Variants in PPL observed in about 807,000 individuals in gnomAD.
The protein encoded by PPL is 190 kDa paraneoplastic pemphigus antigen.
A neutral mutation model predicts 194.4 loss-of-function variants in PPL; 198 were observed. The observed-to-expected ratio is 1.02, with a 90% CI of 0.91 to 1.15. The LOEUF is 1.15. Ranked by LOEUF, PPL falls within the 50% of genes most tolerant of loss-of-function variation. The probability of loss-of-function intolerance (pLI) is 0.00; values close to 1 mark genes in which losing one functional copy is unlikely to be tolerated. For synonymous variants in PPL, 1,220 were observed against 972.4 expected, an observed-to-expected ratio of 1.25 and a Z score of -4.74; for missense variants, 2,885 against 2,294.8, an observed-to-expected ratio of 1.26 and a Z score of -5.25.
chr16:4,883,340 A>T lies in PPL; in HGVS notation c.*44T>A. On this transcript the variant is annotated 3_prime_UTR_variant, in exon 22 of 22. Transcript: ENST00000345988. The surrounding 1 kb of genome is among the most constrained non-coding windows in gnomAD (Gnocchi z 4.8). ...ACCAAGGAGGTCACTGCGTCGTAGG[A>T]GAGGGCCAGCGTCTGCCGTTACGAA... The T allele has an allele frequency of 6.2e-7, 1 of 1,609,206 alleles. No individual in the cohort carries two copies. The highest frequency in any genetic ancestry group is 2.0e-4 in the Middle Eastern group (1 of 5,020).
chr16:4,905,915 G>A (rs559778324), intron 2 of PPL, among the ~76,000 whole-genome samples: 2 of 152,164 alleles, frequency 1.3e-5, no homozygotes, highest in Non-Finnish European at 2.9e-5. Context: ...GACCAGCCTG[G>A]GCAATATAGT....
intron 1 of PPL, among the ~76,000 whole-genome samples, chr16:4,924,717 C>T (rs909017889): frequency 6.6e-6 from 1 of 152,196 alleles, no homozygotes; most frequent in Non-Finnish European, 1.5e-5. Flanking sequence ...GGCACGAAGA[C>T]CGCAGCAAGA....
rs746053426 is a variant in PPL at position 4,892,097 on chromosome 16, C to G, written c.1767G>C (p.Arg589=). The change falls in exon 15 of 22, where the codon CGG becomes CGC. Residue 589 remains arginine (R), a synonymous_variant. Coordinates refer to ENST00000345988, the MANE Select transcript of PPL (RefSeq NM_002705.5). ...CGTATTTCCGGTTGGTGTCCTCCAC[C>G]CGGGTCCTCAGCAGGGGTGTGGTGC... The part of the protein sequence containing the change: ...GSGTTPLLRT[R]VEDTNRKYEH... 1.2e-6 allele frequency: 2 copies of G among 1,613,720 alleles called. No homozygotes were observed. Among genetic ancestry groups the G allele is most frequent in the Admixed American group, 1.7e-5 (1 of 60,010 alleles).
rs2088176741 is a variant in PPL at position 4,884,553 on chromosome 16, C to T, written c.4102G>A (p.Ala1368Thr). The T allele has an allele frequency of 1.2e-6, 2 of 1,613,616 alleles. No homozygotes were observed. The highest frequency in any genetic ancestry group is 3.3e-5 in the Admixed American group (2 of 59,918). Residue 1368 changes from alanine (A) to threonine (T), a missense_variant, in exon 22 of 22, where the codon GCG (alanine) becomes ACG (threonine). Coordinates refer to ENST00000345988, the MANE Select transcript of PPL (RefSeq NM_002705.5). This position sits in a 1 kb window ranked among gnomAD's most constrained non-coding sequence, Gnocchi z 5.7. ...TCGATGCTCTCGGCAAAGGCGCTCG[C>T]CTCGGCCCGCAGGCCTGGCTCCTCC... The part of the protein sequence containing the change: ...YEEEPGLRAE[A>T]SAFAESIDVE...
rs146220570 is a variant in PPL at position 4,893,266 on chromosome 16, G to C, written c.1597C>G (p.Leu533Val). The C allele has an allele frequency of 2.5e-6, 4 of 1,597,964 alleles. No homozygotes were observed. The highest frequency in any genetic ancestry group is 2.2e-5 in the East Asian group (1 of 44,570). ...KAITGILRPP[L>V]EQGRAVQDSA... The stretch of plus-strand genomic sequence containing the variant: ...TCCTGCACAGCCCGGCCTTGCTCCA[G>C]TGGTGGCCGCAGGATCCCTGTGATG... Residue 533 changes from leucine (L) to valine (V), a missense_variant, in exon 14 of 22, where the codon CTG becomes GTG. Transcript: ENST00000345988.
Position 4,892,102 on chromosome 16 carries a change from T to C in PPL, c.1762A>G (p.Thr588Ala), listed in dbSNP as rs2088331424. The change falls in exon 15 of 22, where the codon ACC becomes GCC. Residue 588 changes from threonine to alanine, a missense_variant. Thr to Ala is a moderately conservative substitution (Grantham distance 58). Transcript: ENST00000345988. ...PGSGTTPLLR[T>A]RVEDTNRKYE... is the part of the protein sequence containing the mutation. Reference sequence around the variant, plus strand: ...TTCCGGTTGGTGTCCTCCACCCGGGTCCTCAGCAGGGGTGTGGTGCCACTG... The same window carrying C: ...TTCCGGTTGGTGTCCTCCACCCGGGCCCTCAGCAGGGGTGTGGTGCCACTG... 6.2e-7 allele frequency: 1 copy of C among 1,613,636 alleles called. No individual in the cohort carries two copies. The highest frequency in any genetic ancestry group is 1.3e-5 in the African/African-American group (1 of 74,922).
At chr16:4,897,639 C>T (rs749405310) in intron 9 of PPL, 36 bp downstream of exon 9, 1 of 1,544,362 alleles carries the variant, frequency 6.5e-7, no homozygotes, top group Non-Finnish European at 8.9e-7. Context: ...GAGTAGCACC[C>T]CCGGTGCTGG....
rs1166367325 is a variant in PPL, at chr16:4,885,525, C to T, written c.3130G>A (p.Glu1044Lys). 8 of 1,611,222 alleles carry T rather than the reference C, an allele frequency of 5.0e-6. 1 individual carries two copies. In the Admixed American group the frequency reaches 5.0e-5, roughly 10 times the overall value. Residue 1044 changes from glutamate to lysine, a missense_variant, in exon 22 of 22, where the codon GAG becomes AAG. By Grantham distance (56) the Glu-to-Lys change is moderately conservative (BLOSUM62 1). Transcript: ENST00000345988. This position sits in a 1 kb window ranked among gnomAD's most constrained non-coding sequence, Gnocchi z 6.3. ...LQQRVAALAE[E>K]KSRAQEKVTE... ...ACCTTCTCCTGCGCCCGGCTCTTCTCTTCAGCCAGGGCGGCCACACGCTGC... is the reference window on the plus strand; with the variant it reads ...ACCTTCTCCTGCGCCCGGCTCTTCTTTTCAGCCAGGGCGGCCACACGCTGC...
intron 6 of PPL, 91 bp from the exon 7 acceptor site, chr16:4,899,475 C>CTGGCCTGAGGACAATCCCAGCTATGGG: frequency 2.8e-6 from 2 of 709,072 alleles, no homozygotes; most frequent in Non-Finnish European, 4.6e-6. Context: ...CCAGCTATGG[C>CTGGCCTGAGGACAATCCCAGCTATGGG]TGGCCTGAGG....
chr16:4,926,660 G>C (rs1005010736), intron 1 of PPL, among the ~76,000 whole-genome samples: 3 of 152,136 alleles, frequency 2.0e-5, no homozygotes, highest in Admixed American at 6.5e-5. Flanking sequence ...CAGATCACGA[G>C]GTCAGGAGAT....
chr16:4,897,792 G>A (rs372849639), intron 8 of PPL, 22 bp from the exon 9 acceptor site: 37 of 1,594,056 alleles, frequency 2.3e-5, no homozygotes, highest in South Asian at 2.0e-4. Flanking sequence ...AGAAGGGGCC[G>A]GTCACCACTG....
intron 1 of PPL, among the ~76,000 whole-genome samples, chr16:4,926,948 C>T (rs545713962): frequency 6.6e-6 from 1 of 150,548 alleles, no homozygotes; most frequent in South Asian, 2.1e-4. Flanking sequence ...TATTTTCATC[C>T]ACTGTGTTCC....
chr16:4,894,390 C>G, intron 12 of PPL, 77 bp downstream of exon 12: 2 of 1,557,652 alleles, frequency 1.3e-6, no homozygotes, highest in South Asian at 2.4e-5. Context: ...AGTCCAAATC[C>G]CCGGGGCTAT....
Position 4,883,308 on chromosome 16 carries a change from G to A in PPL, c.*76C>T. On this transcript the variant is annotated 3_prime_UTR_variant, in exon 22 of 22. Coordinates refer to ENST00000345988, the MANE Select transcript of PPL (RefSeq NM_002705.5). This position sits in a 1 kb window ranked among gnomAD's most constrained non-coding sequence, Gnocchi z 4.8. Reference sequence around the variant, plus strand: ...TTGGCCTGCACCAGGGCAAGGGAGAGGACGACACCAAGGAGGTCACTGCGT... The same window carrying A: ...TTGGCCTGCACCAGGGCAAGGGAGAAGACGACACCAAGGAGGTCACTGCGT... The A allele has an allele frequency of 1.3e-6, 2 of 1,588,516 alleles. No individual in the cohort carries two copies. The highest frequency in any genetic ancestry group is 1.7e-6 in the Non-Finnish European group (2 of 1,169,076).
chr16:4,891,778 G>C, intron 16 of PPL, 33 bp downstream of exon 16: 3 of 1,582,624 alleles, frequency 1.9e-6, no homozygotes, highest in Admixed American at 3.6e-5. Context: ...CCTGCTCAGA[G>C]AAGGACTCCC....
chr16:4,904,717 A>G (rs192018962), intron 2 of PPL, among the ~76,000 whole-genome samples: 159 of 152,258 alleles, frequency 1.0e-3, no homozygotes, highest in Admixed American at 2.1e-3. Flanking sequence ...TAGAACACAC[A>G]ATGGCTGCAA....
chr16:4,897,838 G>T, intron 8 of PPL, 68 bp from the exon 9 acceptor site: 1 of 1,330,862 alleles, frequency 7.5e-7, no homozygotes, highest in African/African-American at 1.4e-5. Context: ...GGGACTGCTG[G>T]GATATTGGGC....
chr16:4,895,468 C>G, intron 10 of PPL, 61 bp from the exon 11 acceptor site: 1 of 1,605,102 alleles, frequency 6.2e-7, no homozygotes, highest in Non-Finnish European at 8.5e-7. Flanking sequence ...GGTGGGAGGA[C>G]GCAGAGCAGG....
intron 1 of PPL, among the ~76,000 whole-genome samples, chr16:4,914,475 C>G (rs150140285): frequency 4.7e-4 from 72 of 152,272 alleles, no homozygotes; most frequent in African/African-American, 1.7e-3. Context: ...GGGATCCATC[C>G]GTCTAGGTTC....
Sources: allele counts gnomAD v4.1 joint callset (sites outside exome capture counted in the v4.1 genomes callset), GRCh38; gene constraint gnomAD v4.1.1; non-coding constraint Gnocchi (gnomAD v3.1); transcripts MANE v1.5; gene names NCBI Gene and HGNC (gene_info 2026-07-23, HGNC 2026-07-21).